MARK3: variants seen among roughly 807,000 people sequenced by gnomAD.
MARK3 encodes microtubule affinity regulating kinase 3.
In MARK3, 46 loss-of-function variants were observed where a neutral mutation model predicts 90.1. That is an observed-to-expected ratio of 0.51 (90% CI 0.40 to 0.65). The LOEUF (loss-of-function observed/expected upper bound fraction) is 0.65, where lower values mean the gene tolerates loss of function less well. Among genes scored for constraint, MARK3 ranks in the 30% least tolerant of loss-of-function variants. MARK3 has a pLI of 0.00. For synonymous variants in MARK3, 321 were observed against 332.6 expected (o/e 0.97, Z 0.38); for missense variants, 818 against 947.2 (o/e 0.86, Z 1.79).
intron 6 of MARK3, among the ~76,000 whole-genome samples, chr14:103,462,113 G>C (rs1171618887): frequency 5.3e-5 from 8 of 151,738 alleles, no homozygotes; most frequent in Admixed American, 2.6e-4. Flanking sequence ...TAGGCAATTT[G>C]TTGGGTCCTG....
chr14:103,426,022 G>T (rs1205562223), intron 2 of MARK3, among the ~76,000 whole-genome samples: 2 of 152,208 alleles, frequency 1.3e-5, no homozygotes, highest in African/African-American at 4.8e-5. Flanking sequence ...ATGACATGGG[G>T]AGACCCCTGG....
intron 4 of MARK3, among the ~76,000 whole-genome samples, chr14:103,449,488 C>G (rs57731950): frequency 0.032 from 4,829 of 150,142 alleles, 270 homozygotes; most frequent in African/African-American, 0.11. Flanking sequence ...AGGTCCAATA[C>G]TTTTTGCTGT....
chr14:103,404,967 A>G, intron 1 of MARK3, 109 bp from the exon 2 acceptor site: 1 of 743,886 alleles, frequency 1.3e-6, no homozygotes, highest in Non-Finnish European at 2.1e-6. Flanking sequence ...TAGATACTTT[A>G]AGATTAAAAT....
At position 103,491,061 on chromosome 14, in the gene MARK3, A is replaced by G. The variant is rs761650243; in HGVS notation, c.1587-716A>G. 3.1e-6 allele frequency: 4 copies of G among 1,288,262 alleles called. 1 individual carries two copies. In the South Asian group the frequency reaches 4.9e-5, roughly 16 times the overall value. 79.8% of individuals were successfully genotyped at this position (1,288,262 alleles called of 1,614,324 possible). Reference sequence around the variant, plus strand: ...CATGTCAGCCTCTGGGCACCCCAAGATGATGTTACCTCCAATAGACAGTGA... The same window carrying G: ...CATGTCAGCCTCTGGGCACCCCAAGGTGATGTTACCTCCAATAGACAGTGA... On this transcript the variant is annotated intron_variant, in intron 14 of 17. Coordinates refer to ENST00000429436, the MANE Select transcript of MARK3 (RefSeq NM_001128918.3).
intron 17 of MARK3, 57 bp from the exon 18 acceptor site, chr14:103,502,825 T>A (rs2075744998): frequency 1.4e-6 from 2 of 1,380,222 alleles, no homozygotes; most frequent in African/African-American, 1.4e-5. Flanking sequence ...CTAGCTGAAG[T>A]GTAAGAGGTT....
chr14:103,475,704 T>C (rs759107853), intron 13 of MARK3, among the ~76,000 whole-genome samples: 14 of 152,142 alleles, frequency 9.2e-5, no homozygotes, highest in Non-Finnish European at 1.3e-4. Context: ...CTCAGCACTT[T>C]GGGAGGCCGA....
At chr14:103,443,234 A>G (rs1442740526) in intron 3 of MARK3, among the ~76,000 whole-genome samples, 1 of 151,388 alleles carries the variant, frequency 6.6e-6, no homozygotes, top group Non-Finnish European at 1.5e-5. Context: ...ACATATTGCC[A>G]AACCTGGAAT....
At chr14:103,466,307 A>G (rs749365149) in intron 9 of MARK3, 36 bp from the exon 10 acceptor site, 2 of 1,466,406 alleles carry the variant, frequency 1.4e-6, no homozygotes, top group Non-Finnish European at 1.9e-6. Flanking sequence ...AGAATATTTC[A>G]TTTTACTCTG....
At chr14:103,434,034 G>A (rs2092655754) in intron 3 of MARK3, among the ~76,000 whole-genome samples, 1 of 152,074 alleles carries the variant, frequency 6.6e-6, no homozygotes, top group African/African-American at 2.4e-5. Context: ...ATTATCGTGT[G>A]TTTCTTTTGA....
In MARK3 at chr14:103,448,905, G is replaced by GTTT. The variant is rs749864596; in HGVS notation, c.298-5_298-3dup. ...GTTGGGGGGATTATGTGTTTTGTTT[G>GTTT]TTTTTTTTTTTAGCTCTTCAGAGAA... On this transcript the variant is annotated splice_polypyrimidine_tract_variant and intron_variant, in intron 3 of 17. Transcript: ENST00000429436. The GTTT allele has an allele frequency of 1.1e-5, 12 of 1,136,432 alleles. No homozygotes were observed. The highest frequency in any genetic ancestry group is 3.2e-5 in the South Asian group (2 of 62,526). The allele number at this position is 1,136,432 out of a possible 1,614,324, so 70.4% of individuals were successfully genotyped here.
intron 14 of MARK3, among the ~76,000 whole-genome samples, chr14:103,489,192 G>A (rs2093978589): frequency 6.6e-6 from 1 of 152,236 alleles, no homozygotes. Context: ...TTTGAAGAGT[G>A]AATAGAAAGA....
At chr14:103,456,317 G>A (rs954982406) in intron 5 of MARK3, among the ~76,000 whole-genome samples, 1 of 152,160 alleles carries the variant, frequency 6.6e-6, no homozygotes, top group Non-Finnish European at 1.5e-5. Context: ...CTTTTAAGAG[G>A]TCAGTCTTTT....
rs2093490859 is a variant in MARK3 at position 103,465,806 on chromosome 14, G to A, written c.777+13G>A. ...GCAAAACCTAAAGGTATAAGAAGCT[G>A]CACCCATGTACTTCACTAAACTAAA... On this transcript the variant is annotated intron_variant, in intron 8 of 17. Transcript: ENST00000429436. The A allele has an allele frequency of 5.0e-6, 8 of 1,602,958 alleles. No individual in the cohort carries two copies. The East Asian group carries it at 1.6e-4, about 31-fold the overall frequency.
chr14:103,385,531 T>A lies in MARK3; in HGVS notation c.-499T>A, dbSNP rs2089720796. ...GAAGCAGTCGGGCGCAGGCGCCTCC[T>A]CCGCAGCCCGCTCCATGGTCGGCGC... is the stretch of plus-strand genomic sequence containing the variant. On this transcript the variant is annotated 5_prime_UTR_variant, in exon 1 of 18. Transcript: ENST00000429436. The A allele has an allele frequency of 6.5e-6, 1 of 152,982 alleles. No homozygotes were observed. The highest frequency in any genetic ancestry group is 1.5e-5 in the Non-Finnish European group (1 of 68,420). The allele number at this position is 152,982 out of a possible 1,614,324, so 9.5% of individuals were successfully genotyped here. A position where few individuals can be genotyped will look rare whatever the true frequency, so the allele number is the denominator to read the frequency against.
intron 4 of MARK3, among the ~76,000 whole-genome samples, chr14:103,450,063 A>C (rs2093095208): frequency 6.6e-6 from 1 of 152,322 alleles, no homozygotes; most frequent in Non-Finnish European, 1.5e-5. Flanking sequence ...CCATTACTTT[A>C]AAGGTGTTCT....
intron 2 of MARK3, chr14:103,412,440 A>G (rs1465919449): frequency 9.0e-6 from 5 of 554,770 alleles, no homozygotes; most frequent in East Asian, 6.9e-5. Flanking sequence ...TCTGAAGCCA[A>G]AAATGCATCA....
At position 103,460,954 on chromosome 14, in the gene MARK3, A is replaced by G. The variant is rs570057573; in HGVS notation, c.484-1451A>G. ...CTTTTGTTAATTATAAGTGGGTCTG[A>G]TATTCTGAATGTTAATTTTAAATAA... On this transcript the variant is annotated intron_variant, in intron 6 of 17. Transcript: ENST00000429436. Among the ~76,000 whole-genome samples the G allele has an allele frequency of 1.5e-4, 23 of 152,352 alleles. No individual in the cohort carries two copies. In the South Asian group the frequency reaches 4.8e-3, roughly 32 times the overall value.
intron 14 of MARK3, among the ~76,000 whole-genome samples, chr14:103,485,063 CAAAAAAA>C (rs34312214): frequency 1.0e-5 from 1 of 97,750 alleles, no homozygotes; most frequent in African/African-American, 4.1e-5. Context: ...ACTAAAAATA[CAAAAAAA>C]AAAAAAAAAA....
chr14:103,456,493 A>C (rs2093281083), intron 5 of MARK3, among the ~76,000 whole-genome samples: 1 of 152,194 alleles, frequency 6.6e-6, no homozygotes, highest in Non-Finnish European at 1.5e-5. Flanking sequence ...TACCCCAGAT[A>C]ACTACATTGT....
Sources: gnomAD v4.1 joint callset for allele counts (sites outside exome capture counted in the v4.1 genomes callset) on GRCh38, gnomAD v4.1.1 for gene constraint, MANE v1.5 for transcripts, NCBI Gene and HGNC (gene_info 2026-07-23, HGNC 2026-07-21) for gene names.